ADAMTS20: variants seen among roughly 807,000 people sequenced by gnomAD.
The protein encoded by ADAMTS20 is A disintegrin and metalloproteinase with thrombospondin motifs 20.
Under a neutral mutation model 260.1 loss-of-function variants are expected in ADAMTS20, and 225 were observed. The ratio of observed to expected loss-of-function variants is 0.87; its 90% confidence interval spans 0.78 to 0.97. The LOEUF (loss-of-function observed/expected upper bound fraction) is 0.97. ADAMTS20 is among the 50% of genes least tolerant of loss of function. The probability of loss-of-function intolerance (pLI) is 0.00; values close to 1 mark genes in which losing one functional copy is unlikely to be tolerated. For synonymous variants in ADAMTS20, 802 were observed against 769.5 expected (o/e 1.04, Z -0.70); for missense variants, 2,400 against 2,337.7 (o/e 1.03, Z -0.55).
chr12:43,356,373 T>A, intron 38 of ADAMTS20, 111 bp downstream of exon 38: 1 of 632,796 alleles, frequency 1.6e-6, no homozygotes, highest in Non-Finnish European at 2.8e-6. Flanking sequence ...ATATGCAATA[T>A]CTCTTTAGTC....
chr12:43,483,137 T>A (rs1942467226), intron 7 of ADAMTS20, among the ~76,000 whole-genome samples: 1 of 152,212 alleles, frequency 6.6e-6, no homozygotes. Flanking sequence ...TACCTGCTAC[T>A]GGGAAACTAG....
At chr12:43,450,966 GAT>G (rs1213818597) in intron 14 of ADAMTS20, among the ~76,000 whole-genome samples, 1 of 151,912 alleles carries the variant, frequency 6.6e-6, no homozygotes, top group Non-Finnish European at 1.5e-5. Context: ...ATATCAAAGA[GAT>G]ATCTACACTC....
At chr12:43,390,128 T>C (rs1263621576) in intron 29 of ADAMTS20, among the ~76,000 whole-genome samples, 2 of 152,162 alleles carry the variant, frequency 1.3e-5, no homozygotes, top group Non-Finnish European at 2.9e-5. Flanking sequence ...CACCAAACCA[T>C]TGCAGCCCTG....
chr12:43,397,542 C>T (rs1211112392), intron 29 of ADAMTS20, among the ~76,000 whole-genome samples: 7 of 152,032 alleles, frequency 4.6e-5, no homozygotes, highest in African/African-American at 1.7e-4. Flanking sequence ...GATGAGAGAA[C>T]CTGTTGAGTG....
chr12:43,423,569 T>C (rs1941273926), intron 28 of ADAMTS20: 1 of 595,068 alleles, frequency 1.7e-6, no homozygotes, highest in East Asian at 2.8e-5. Flanking sequence ...TCCAAGAAAG[T>C]AATCCACAGT....
rs202002998 is a variant in ADAMTS20, at chr12:43,531,338, G to GA, written c.613+697dup. Among the ~76,000 whole-genome samples the GA allele has an allele frequency of 8.2e-4, 124 of 151,418 alleles. 2 individuals are homozygous for GA. Among genetic ancestry groups the GA allele is most frequent in the African/African-American group, 2.8e-3 (116 of 41,300 alleles). Reference sequence around the variant, plus strand: ...TTTTTTTTTCATCTAAAATCCTGCTGAAAAAAATTAAATAATACTAATGTG... The same window carrying GA: ...TTTTTTTTTCATCTAAAATCCTGCTGAAAAAAAATTAAATAATACTAATGTG... On this transcript the variant is annotated intron_variant, in intron 3 of 38. Coordinates refer to ENST00000389420, the MANE Select transcript of ADAMTS20 (RefSeq NM_025003.5).
intron 3 of ADAMTS20, among the ~76,000 whole-genome samples, chr12:43,511,298 T>C (rs1942921071): frequency 6.6e-6 from 1 of 152,102 alleles, no homozygotes; most frequent in Non-Finnish European, 1.5e-5. Context: ...AAACATTCCT[T>C]TTATCTCATC....
intron 3 of ADAMTS20, among the ~76,000 whole-genome samples, chr12:43,517,219 AAAC>A (rs1565579286): frequency 2.0e-5 from 3 of 152,076 alleles, no homozygotes; most frequent in Non-Finnish European, 4.4e-5. Flanking sequence ...CAACGTAACA[AAAC>A]AAGAAAAATA....
intron 9 of ADAMTS20, among the ~76,000 whole-genome samples, chr12:43,465,003 A>G (rs1942129811): frequency 6.6e-6 from 1 of 152,198 alleles, no homozygotes; most frequent in Non-Finnish European, 1.5e-5. Context: ...GATAAGCAAT[A>G]AACACAAATT....
intron 38 of ADAMTS20, 22 bp downstream of exon 38, chr12:43,356,461 CT>C: frequency 4.0e-6 from 6 of 1,509,108 alleles, no homozygotes; most frequent in South Asian, 2.4e-5. Flanking sequence ...TTCAAACAGG[CT>C]TTTTGGTCCC....
At chr12:43,462,193 C>T (rs1032324264) in intron 11 of ADAMTS20, among the ~76,000 whole-genome samples, 2 of 152,152 alleles carry the variant, frequency 1.3e-5, no homozygotes, top group African/African-American at 2.4e-5. Context: ...CACAATTAGC[C>T]AATCCATTGC....
chr12:43,493,279 A>C, intron 4 of ADAMTS20, 26 bp from the exon 5 acceptor site: 1 of 1,456,100 alleles, frequency 6.9e-7, no homozygotes, highest in Non-Finnish European at 9.3e-7. Flanking sequence ...ATGTAGGATT[A>C]GTTGTTTAAA....
At chr12:43,408,962 TATGAAGAAACCTGAA>T (rs2137267435) in intron 28 of ADAMTS20, among the ~76,000 whole-genome samples, 1 of 152,296 alleles carries the variant, frequency 6.6e-6, no homozygotes, top group Admixed American at 6.5e-5. Context: ...TTAGATAATG[TATGAAGAAACCTGAA>T]ATAGTGCTTG....
At chr12:43,508,923 G>T (rs1324229365) in intron 3 of ADAMTS20, among the ~76,000 whole-genome samples, 8 of 152,008 alleles carry the variant, frequency 5.3e-5, no homozygotes, top group Non-Finnish European at 1.0e-4. Context: ...ACCCTGACAG[G>T]CCCCAGTGTG....
At chr12:43,542,441 C>T (rs910578622) in intron 2 of ADAMTS20, among the ~76,000 whole-genome samples, 5 of 151,992 alleles carry the variant, frequency 3.3e-5, no homozygotes, top group Non-Finnish European at 5.9e-5. Flanking sequence ...CATATATTTT[C>T]CTAGTTTATT....
At chr12:43,411,945 G>T (rs779485256) in intron 28 of ADAMTS20, among the ~76,000 whole-genome samples, 3 of 151,936 alleles carry the variant, frequency 2.0e-5, no homozygotes, top group Admixed American at 2.0e-4. Context: ...CCTCCTCAAT[G>T]TATACCATAA....
chr12:43,540,581 G>A (rs1325671080), intron 2 of ADAMTS20, among the ~76,000 whole-genome samples: 1 of 151,814 alleles, frequency 6.6e-6, no homozygotes, highest in African/African-American at 2.4e-5. Flanking sequence ...AGGCTCCTAA[G>A]GAAGCACTTT....
At chr12:43,388,587 T>G (rs1214317379) in intron 29 of ADAMTS20, among the ~76,000 whole-genome samples, 1 of 152,232 alleles carries the variant, frequency 6.6e-6, no homozygotes, top group African/African-American at 2.4e-5. Context: ...TTTTCTTATG[T>G]GTACAATTTT....
chr12:43,549,353 A>T (rs1943482200), intron 2 of ADAMTS20, among the ~76,000 whole-genome samples: 1 of 152,088 alleles, frequency 6.6e-6, no homozygotes, highest in African/African-American at 2.4e-5. Flanking sequence ...TGACACAGTG[A>T]CTAGAGAGTT....
Sources: gnomAD v4.1 joint callset for allele counts (sites outside exome capture counted in the v4.1 genomes callset) on GRCh38, gnomAD v4.1.1 for gene constraint, MANE v1.5 for transcripts, NCBI Gene and HGNC (gene_info 2026-07-23, HGNC 2026-07-21) for gene names.